The following PRIM2 variants were observed in gnomAD, a reference collection of about 807,000 sequenced individuals.
PRIM2 encodes the protein DNA primase large subunit.
In PRIM2, 39 loss-of-function variants were observed where a neutral mutation model predicts 67.3. That is an observed-to-expected ratio of 0.58 (90% confidence interval 0.45 to 0.76). The LOEUF is 0.76. Ranked by LOEUF, PRIM2 falls within the 30% of genes least tolerant of loss-of-function variation. The pLI, the probability that PRIM2 is intolerant of heterozygous loss-of-function variation, is 0.00. For synonymous variants in PRIM2, 143 were observed against 198.7 expected (o/e 0.72, Z 2.36); for missense variants, 398 against 598.7 (o/e 0.66, Z 3.50).
intron 7 of PRIM2, among the ~76,000 whole-genome samples, chr6:57,476,834 G>A (rs1262154718): frequency 0.011 from 1,610 of 152,010 alleles, 15 homozygotes; most frequent in Non-Finnish European, 0.016. Context: ...TGCAACCTCC[G>A]CCTTCTGGGT....
chr6:57,547,041 A>G (rs1172136710), intron 10 of PRIM2, among the ~76,000 whole-genome samples: 3 of 152,154 alleles, frequency 2.0e-5, no homozygotes, highest in African/African-American at 7.2e-5. Flanking sequence ...AGAAGTATTT[A>G]AAGTTTTGAA....
At chr6:57,286,776 T>C in the PRIM2 span, among the ~76,000 whole-genome samples, 4 of 152,072 alleles carry the variant, frequency 2.6e-5, no homozygotes, top group African/African-American at 2.4e-5. Context: ...AATAAACTAA[T>C]AAGCTTCTGC....
At position 57,537,369 on chromosome 6, in the gene PRIM2, C is replaced by T. The variant is rs1328679307; in HGVS notation, c.835-71C>T. 16 of 738,978 alleles carry T rather than the reference C, an allele frequency of 2.2e-5. No homozygotes were observed. In the Admixed American group the frequency reaches 3.0e-4, roughly 14 times the overall value. 45.8% of individuals were successfully genotyped at this position (738,978 alleles called of 1,614,324 possible). A position where few individuals can be genotyped will look rare whatever the true frequency, so the allele number is the denominator to read the frequency against. ...ATTCCAATTAAATTGAATTAGGAAC[C>T]ATAACAAATATTACAGGGGACCTGA... On this transcript the variant is annotated intron_variant, in intron 9 of 13. Transcript: ENST00000615550.
intron 10 of PRIM2, among the ~76,000 whole-genome samples, chr6:57,558,495 C>T (rs1335820513): frequency 6.6e-6 from 1 of 151,934 alleles, no homozygotes; most frequent in African/African-American, 2.4e-5. Flanking sequence ...CCTTTTAAAC[C>T]ATGGTTTGGC....
chr6:57,634,145 A>G (rs1487406853), intron 13 of PRIM2, among the ~76,000 whole-genome samples: 9 of 152,218 alleles, frequency 5.9e-5, no homozygotes, highest in African/African-American at 2.4e-5. Context: ...GAGCATAACT[A>G]TGACTGTACT....
chr6:57,366,616 G>A (rs1357365128), intron 5 of PRIM2, among the ~76,000 whole-genome samples: 5 of 152,180 alleles, frequency 3.3e-5, no homozygotes, highest in Non-Finnish European at 7.3e-5. Flanking sequence ...CATTTGGACA[G>A]TGGCAAGAAA....
the PRIM2 span, among the ~76,000 whole-genome samples, chr6:57,233,823 T>C: frequency 6.6e-6 from 1 of 152,004 alleles, no homozygotes; most frequent in African/African-American, 2.4e-5. Flanking sequence ...GCACAACTAA[T>C]TTTTAAAATT....
At chr6:57,330,367 GTTTTTTTGTTTTTTTGT>G (rs1768015824) in intron 5 of PRIM2, among the ~76,000 whole-genome samples, 27 of 78,586 alleles carry the variant, frequency 3.4e-4, no homozygotes, top group African/African-American at 1.3e-3. Context: ...TTTTGTTTTT[GTTTTTTTGTTTTTTTGT>G]TTTTTTTTTT....
the PRIM2 span, among the ~76,000 whole-genome samples, chr6:57,270,024 GT>G: frequency 6.6e-6 from 1 of 152,062 alleles, no homozygotes; most frequent in South Asian, 2.1e-4. Context: ...TGCTGTTTTG[GT>G]TACTGTAGCC....
intron 7 of PRIM2, chr6:57,382,571 A>G (rs1479583729): frequency 6.4e-6 from 1 of 155,230 alleles, no homozygotes; most frequent in Admixed American, 6.4e-5. Context: ...ATATAGAAGA[A>G]AATCTTAAGT....
chr6:57,547,684 TACA>T (rs1258736278), intron 10 of PRIM2, among the ~76,000 whole-genome samples: 35 of 152,296 alleles, frequency 2.3e-4, no homozygotes, highest in African/African-American at 8.4e-4. Context: ...GGATATTAAG[TACA>T]ACATTGATAA....
the PRIM2 span, among the ~76,000 whole-genome samples, chr6:57,287,003 A>T: frequency 6.6e-6 from 1 of 152,234 alleles, no homozygotes; most frequent in Non-Finnish European, 1.5e-5. Flanking sequence ...AAACATATGG[A>T]AAAAAGCTCA....
intron 7 of PRIM2, among the ~76,000 whole-genome samples, chr6:57,464,142 T>A (rs1216298077): frequency 6.6e-6 from 1 of 152,152 alleles, no homozygotes; most frequent in Non-Finnish European, 1.5e-5. Context: ...TTGTCCTTAT[T>A]ATGCACACTC....
intron 7 of PRIM2, among the ~76,000 whole-genome samples, chr6:57,492,058 C>T (rs1407835032): frequency 6.6e-6 from 1 of 152,178 alleles, no homozygotes; most frequent in Admixed American, 6.5e-5. Context: ...CTTACCTGCA[C>T]AAAACATCTG....
chr6:57,371,620 T>G (rs1396561089), intron 5 of PRIM2, among the ~76,000 whole-genome samples: 3 of 152,216 alleles, frequency 2.0e-5, no homozygotes, highest in Non-Finnish European at 2.9e-5. Flanking sequence ...AACACAGAGA[T>G]GTATATTAAA....
At chr6:57,484,367 C>T (rs1171169789) in intron 7 of PRIM2, among the ~76,000 whole-genome samples, 1 of 152,084 alleles carries the variant, frequency 6.6e-6, no homozygotes, top group Non-Finnish European at 1.5e-5. Flanking sequence ...TAGCTGTTGT[C>T]GTCGCTTTCT....
At chr6:57,259,763 A>C in the PRIM2 span, among the ~76,000 whole-genome samples, 1 of 152,118 alleles carries the variant, frequency 6.6e-6, no homozygotes. Context: ...ACTGACTCCC[A>C]TCCTTTCACC....
At chr6:57,357,653 G>T (rs1221446081) in intron 5 of PRIM2, among the ~76,000 whole-genome samples, 1 of 151,050 alleles carries the variant, frequency 6.6e-6, no homozygotes, top group Non-Finnish European at 1.5e-5. Context: ...GAGTGCAGTG[G>T]TGCGATCTCG....
In PRIM2 at chr6:57,542,096, C is replaced by T. The variant is rs1298670276; in HGVS notation, c.1020+4471C>T. Among the ~76,000 whole-genome samples the T allele has an allele frequency of 4.8e-4, 73 of 151,726 alleles. 1 individual carries two copies. Among genetic ancestry groups the T allele is most frequent in the Admixed American group, 4.8e-3 (73 of 15,244 alleles). ...GGTTCAAGCAATTCTCCTGCCTCAG[C>T]CTCCCAAGTAGCTGGGATTACAGGC... On this transcript the variant is annotated intron_variant, in intron 10 of 13. Transcript: ENST00000615550.
Sources: allele counts gnomAD v4.1 joint callset (sites outside exome capture counted in the v4.1 genomes callset), GRCh38; gene constraint gnomAD v4.1.1; transcripts MANE v1.5; gene names NCBI Gene and HGNC (gene_info 2026-07-23, HGNC 2026-07-21).